METTL15: variants seen among roughly 807,000 people sequenced by gnomAD.
The protein encoded by METTL15 is methyltransferase 15, mitochondrial 12S rRNA N4-cytidine.
A neutral mutation model predicts 38.3 loss-of-function variants in METTL15; 34 were observed. That is an observed-to-expected ratio of 0.89 (90% CI 0.68 to 1.18). The LOEUF (loss-of-function observed/expected upper bound fraction) is 1.18. Ranked by LOEUF, METTL15 falls within the 50% of genes most tolerant of loss-of-function variation. METTL15 has a pLI of 0.00. For missense variants in METTL15, 438 were observed against 498.4 expected (o/e 0.88, Z 1.15); for synonymous variants, 162 against 170.9 (o/e 0.95, Z 0.41).
intron 4 of METTL15, among the ~76,000 whole-genome samples, chr11:28,243,998 A>T (rs1854410199): frequency 6.6e-6 from 1 of 152,216 alleles, no homozygotes; most frequent in Admixed American, 6.5e-5. Context: ...TGATTGGGTC[A>T]ATTGGCTAGA....
intron 3 of METTL15, among the ~76,000 whole-genome samples, chr11:28,128,405 GAGAA>G (rs1474267880): frequency 2.0e-5 from 3 of 152,068 alleles, no homozygotes; most frequent in African/African-American, 7.2e-5. Context: ...TAGTTTGTAT[GAGAA>G]AGACATTCGG....
intron 5 of METTL15, among the ~76,000 whole-genome samples, chr11:28,402,796 T>C (rs1850641282): frequency 6.6e-6 from 1 of 151,894 alleles, no homozygotes; most frequent in Admixed American, 6.6e-5. Context: ...ATAGTGTACA[T>C]TGTACCCATT....
At chr11:28,375,941 G>T (rs1247030791) in intron 5 of METTL15, among the ~76,000 whole-genome samples, 1 of 151,964 alleles carries the variant, frequency 6.6e-6, no homozygotes, top group Non-Finnish European at 1.5e-5. Flanking sequence ...AGTCATTCAG[G>T]AGCAGGTTGT....
intron 6 of METTL15, among the ~76,000 whole-genome samples, chr11:28,520,470 C>T (rs1483633887): frequency 6.6e-6 from 1 of 152,154 alleles, no homozygotes; most frequent in Admixed American, 6.5e-5. Context: ...ATCTGGAGCC[C>T]ATGCAGTGAA....
intron 4 of METTL15, among the ~76,000 whole-genome samples, chr11:28,211,525 GA>G (rs1852641729): frequency 6.6e-6 from 1 of 152,026 alleles, no homozygotes; most frequent in Non-Finnish European, 1.5e-5. Flanking sequence ...ACATTTTTAT[GA>G]GTTTATTTCT....
At chr11:28,391,215 C>T (rs1850502891) in intron 5 of METTL15, among the ~76,000 whole-genome samples, 1 of 152,106 alleles carries the variant, frequency 6.6e-6, no homozygotes, top group East Asian at 1.9e-4. Flanking sequence ...ATTGAATACC[C>T]TTTATTTCCT....
intron 3 of METTL15, among the ~76,000 whole-genome samples, chr11:28,178,655 C>CA (rs1851166759): frequency 6.6e-6 from 1 of 151,696 alleles, no homozygotes; most frequent in Non-Finnish European, 1.5e-5. Flanking sequence ...TGAAGTGTAA[C>CA]ATTTAATCAT....
rs370285277 is a variant in METTL15, at chr11:28,455,846, A to G, written c.*424+31482A>G. On this transcript the variant is annotated intron_variant and NMD_transcript_variant, in intron 6 of 7. Coordinates refer to the METTL15 transcript ENST00000532947. ...CTCAGCCTCCCGAGTAGCTGGGACT[A>G]CAGGTGCCCGCTACCACACCCAGCT... 4.6e-5 allele frequency among the ~76,000 whole-genome samples: 7 copies of G among 152,128 alleles called. No homozygotes were observed. In the East Asian group the frequency reaches 7.7e-4, roughly 17 times the overall value.
chr11:28,369,566 A>G (rs948230176), intron 5 of METTL15, among the ~76,000 whole-genome samples: 1 of 152,168 alleles, frequency 6.6e-6, no homozygotes, highest in African/African-American at 2.4e-5. Context: ...TTGACTTGTC[A>G]TATACAAGGA....
downstream of METTL15, among the ~76,000 whole-genome samples, chr11:28,528,447 G>T (rs1851826190): frequency 6.6e-6 from 1 of 152,134 alleles, no homozygotes; most frequent in African/African-American, 2.4e-5. Context: ...ATATAACATT[G>T]CTGCTTTCCC....
intron 5 of METTL15, among the ~76,000 whole-genome samples, chr11:28,416,343 A>G (rs1018488788): frequency 6.8e-5 from 10 of 147,252 alleles, no homozygotes; most frequent in African/African-American, 2.5e-4. Context: ...CTCTGAGAAA[A>G]ATGGTCCCAG....
At chr11:28,348,493 G>A (rs1299500615) in intron 3 of METTL15, among the ~76,000 whole-genome samples, 8 of 152,022 alleles carry the variant, frequency 5.3e-5, no homozygotes, top group African/African-American at 1.7e-4. Context: ...TCAGCCTTCT[G>A]AGTAGCAGGG....
intron 4 of METTL15, among the ~76,000 whole-genome samples, chr11:28,280,259 G>A (rs1173394338): frequency 1.3e-5 from 2 of 152,056 alleles, no homozygotes; most frequent in African/African-American, 2.4e-5. Context: ...TCTCCTGCAG[G>A]TGAACTAACT....
chr11:28,393,942 A>G (rs1244870085), intron 5 of METTL15, among the ~76,000 whole-genome samples: 1 of 150,774 alleles, frequency 6.6e-6, no homozygotes, highest in Non-Finnish European at 1.5e-5. Flanking sequence ...CTTCTCCTCC[A>G]TCCATACTCC....
At chr11:28,532,073 A>C in the METTL15 span, among the ~76,000 whole-genome samples, 1 of 152,128 alleles carries the variant, frequency 6.6e-6, no homozygotes, top group South Asian at 2.1e-4. Flanking sequence ...TTCTCTATCT[A>C]ACTACCTACC....
At chr11:28,115,953 C>G (rs1851934288) in intron 3 of METTL15, among the ~76,000 whole-genome samples, 1 of 151,434 alleles carries the variant, frequency 6.6e-6, no homozygotes, top group African/African-American at 2.4e-5. Context: ...CACACACACA[C>G]ACACACACAC....
intron 4 of METTL15, among the ~76,000 whole-genome samples, chr11:28,229,728 T>C (rs1853615609): frequency 6.6e-6 from 1 of 151,928 alleles, no homozygotes. Flanking sequence ...GAAATAAATT[T>C]CCGTTTCAAT....
chr11:28,136,676 T>C (rs901361006), intron 3 of METTL15, among the ~76,000 whole-genome samples: 6 of 152,174 alleles, frequency 3.9e-5, no homozygotes, highest in African/African-American at 1.4e-4. Context: ...AACATCACTT[T>C]GGCAATCCTC....
At chr11:28,411,001 G>A (rs1057089372) in intron 5 of METTL15, among the ~76,000 whole-genome samples, 10 of 151,646 alleles carry the variant, frequency 6.6e-5, no homozygotes, top group South Asian at 4.1e-4. Context: ...TTTAAATTCC[G>A]TTTACAATAG....
Sources: gnomAD v4.1 joint callset for allele counts (sites outside exome capture counted in the v4.1 genomes callset) on GRCh38, gnomAD v4.1.1 for gene constraint, MANE v1.5 for transcripts, NCBI Gene and HGNC (gene_info 2026-07-23, HGNC 2026-07-21) for gene names.